CAMK4: variants seen among roughly 807,000 people sequenced by gnomAD.
CAMK4 encodes calcium/calmodulin dependent protein kinase IV.
A neutral mutation model predicts 44.9 loss-of-function variants in CAMK4; 22 were observed. The observed-to-expected ratio is 0.49, with a 90% CI of 0.35 to 0.70. CAMK4 has a LOEUF of 0.70. Ranked by LOEUF, CAMK4 falls within the 30% of genes least tolerant of loss-of-function variation. CAMK4 has a pLI of 0.01. For synonymous variants in CAMK4, 218 were observed against 215.4 expected (o/e 1.01, Z -0.11); for missense variants, 498 against 586.8 (o/e 0.85, Z 1.56).
At chr5:111,366,019 T>C (rs1750781102) in intron 2 of CAMK4, among the ~76,000 whole-genome samples, 1 of 152,122 alleles carries the variant, frequency 6.6e-6, no homozygotes, top group Admixed American at 6.6e-5. Context: ...CATATACTTG[T>C]TGAATGTCAA....
intron 1 of CAMK4, among the ~76,000 whole-genome samples, chr5:111,339,557 G>C (rs569335268): frequency 6.6e-6 from 1 of 151,302 alleles, no homozygotes; most frequent in Non-Finnish European, 1.5e-5. Flanking sequence ...ATTTATTTCA[G>C]GGATCTCTAT....
chr5:111,387,568 A>G (rs1310501797), intron 4 of CAMK4, among the ~76,000 whole-genome samples: 1 of 152,168 alleles, frequency 6.6e-6, no homozygotes, highest in Non-Finnish European at 1.5e-5. Context: ...CTCTGGAGTC[A>G]TGGCCAATGT....
chr5:111,458,295 G>A (rs930351447), intron 7 of CAMK4, among the ~76,000 whole-genome samples: 5 of 152,198 alleles, frequency 3.3e-5, no homozygotes, highest in African/African-American at 1.2e-4. Flanking sequence ...ATCATGGAGA[G>A]GAAAGGGACT....
chr5:111,468,117 G>A (rs905133413), intron 7 of CAMK4, among the ~76,000 whole-genome samples: 70 of 152,282 alleles, frequency 4.6e-4, no homozygotes, highest in Non-Finnish European at 9.6e-4. Context: ...TGGGAGATAA[G>A]CATTTGAATG....
intron 1 of CAMK4, among the ~76,000 whole-genome samples, chr5:111,285,314 C>T (rs575554710): frequency 1.4e-4 from 21 of 152,228 alleles, no homozygotes; most frequent in Middle Eastern, 3.4e-3. Flanking sequence ...ATGAATCCTA[C>T]GAAATTTATG....
intron 1 of CAMK4, among the ~76,000 whole-genome samples, chr5:111,328,464 T>C (rs924800992): frequency 1.3e-5 from 2 of 152,136 alleles, no homozygotes; most frequent in African/African-American, 4.8e-5. Context: ...AGCTTTGTTC[T>C]TTTGGCTTAG....
rs1186288688 is a variant in CAMK4, at chr5:111,494,742, A to T, written c.*10276A>T. On this transcript the variant is annotated 3_prime_UTR_variant, in exon 11 of 11. Coordinates refer to ENST00000282356, the MANE Select transcript of CAMK4 (RefSeq NM_001744.6). ...TTGGAAGACTAATTGTAGAAATTTG[A>T]CCTGAGGGCCAATGTTACTTGGTGT... The T allele has an allele frequency of 6.6e-6, 1 of 152,110 alleles. No homozygotes were observed. Among genetic ancestry groups the T allele is most frequent in the African/African-American group, 2.4e-5 (1 of 41,420 alleles). 9.4% of individuals were successfully genotyped at this position (152,110 alleles called of 1,614,324 possible).
intron 1 of CAMK4, among the ~76,000 whole-genome samples, chr5:111,263,971 G>C (rs754698633): frequency 6.6e-6 from 1 of 152,024 alleles, no homozygotes; most frequent in Non-Finnish European, 1.5e-5. Flanking sequence ...TTCTTCCCCT[G>C]GTTTATGAGT....
At chr5:111,454,282 T>A (rs902765783) in intron 7 of CAMK4, among the ~76,000 whole-genome samples, 2 of 152,148 alleles carry the variant, frequency 1.3e-5, no homozygotes, top group African/African-American at 4.8e-5. Context: ...GGAAGGCTTT[T>A]CAAATTACAT....
chr5:111,315,700 T>C (rs1030259838), intron 1 of CAMK4, among the ~76,000 whole-genome samples: 2 of 152,112 alleles, frequency 1.3e-5, no homozygotes, highest in South Asian at 2.1e-4. Context: ...TAGGAGGAGC[T>C]AAATAAATGT....
chr5:111,326,173 GC>G (rs1748880635), intron 1 of CAMK4, among the ~76,000 whole-genome samples: 1 of 151,750 alleles, frequency 6.6e-6, no homozygotes, highest in South Asian at 2.1e-4. Flanking sequence ...CTAAAAGTTG[GC>G]CCTTTGACAT....
intron 8 of CAMK4, among the ~76,000 whole-genome samples, chr5:111,476,599 C>G (rs552026898): frequency 6.6e-6 from 1 of 152,044 alleles, no homozygotes; most frequent in Non-Finnish European, 1.5e-5. Context: ...CTTAAGAGTT[C>G]TAGCTTGTCA....
chr5:111,340,893 CATT>C (rs960281419), intron 1 of CAMK4, among the ~76,000 whole-genome samples: 1 of 150,590 alleles, frequency 6.6e-6, no homozygotes, highest in Non-Finnish European at 1.5e-5. Flanking sequence ...TCTTCTTACT[CATT>C]ATTGGTCTGT....
intron 1 of CAMK4, among the ~76,000 whole-genome samples, chr5:111,293,527 A>G (rs1164513964): frequency 6.9e-6 from 1 of 144,810 alleles, no homozygotes; most frequent in Non-Finnish European, 1.5e-5. Flanking sequence ...CCCGGGTTCA[A>G]ATGATTCCCC....
At chr5:111,434,273 C>T (rs1753567052) in intron 5 of CAMK4, among the ~76,000 whole-genome samples, 2 of 127,736 alleles carry the variant, frequency 1.6e-5, no homozygotes, top group South Asian at 5.1e-4. Context: ...AGCCTGGCTA[C>T]ATAACGAGAC....
chr5:111,464,103 G>A (rs1309886405), intron 7 of CAMK4, among the ~76,000 whole-genome samples: 1 of 148,288 alleles, frequency 6.7e-6, no homozygotes, highest in Non-Finnish European at 1.5e-5. Flanking sequence ...AATGAGATAT[G>A]AAGGGAAAAA....
At chr5:111,430,355 T>A (rs554565839) in intron 5 of CAMK4, among the ~76,000 whole-genome samples, 4 of 152,282 alleles carry the variant, frequency 2.6e-5, no homozygotes, top group African/African-American at 7.2e-5. Context: ...CAGCTAGTAT[T>A]ATACTGAGTG....
chr5:111,318,309 C>T (rs978093567), intron 1 of CAMK4, among the ~76,000 whole-genome samples: 3 of 152,006 alleles, frequency 2.0e-5, no homozygotes, highest in African/African-American at 4.8e-5. Flanking sequence ...TGTGTAGTAC[C>T]CCTGTGCCTG....
chr5:111,387,941 T>C (rs1751663775), intron 4 of CAMK4, among the ~76,000 whole-genome samples: 1 of 152,242 alleles, frequency 6.6e-6, no homozygotes, highest in Admixed American at 6.5e-5. Flanking sequence ...TTCTAAGTTG[T>C]AAACCTGCAT....
Sources: gnomAD v4.1 joint callset for allele counts (sites outside exome capture counted in the v4.1 genomes callset) on GRCh38, gnomAD v4.1.1 for gene constraint, MANE v1.5 for transcripts, NCBI Gene and HGNC (gene_info 2026-07-23, HGNC 2026-07-21) for gene names.